Variants in DEPDC1B observed in about 807,000 individuals in gnomAD.
DEPDC1B encodes the protein DEP domain-containing protein 1B.
DEPDC1B carries 51 observed loss-of-function variants against 66.5 expected under a neutral mutation model. The ratio of observed to expected loss-of-function variants is 0.77; its 90% confidence interval spans 0.61 to 0.97. The LOEUF (loss-of-function observed/expected upper bound fraction) is 0.97. Among genes scored for constraint, DEPDC1B ranks in the 50% least tolerant of loss-of-function variants. DEPDC1B has a pLI of 0.00. For synonymous variants in DEPDC1B, 226 were observed against 223.6 expected (o/e 1.01, Z -0.10); for missense variants, 552 against 637.1 (o/e 0.87, Z 1.44).
intron 2 of DEPDC1B, among the ~76,000 whole-genome samples, chr5:60,648,515 C>T (rs746691449): frequency 6.6e-6 from 1 of 152,196 alleles, no homozygotes; most frequent in Non-Finnish European, 1.5e-5. Context: ...GTTAATCTGT[C>T]TTTTCTTGCA....
intron 7 of DEPDC1B, among the ~76,000 whole-genome samples, chr5:60,614,687 T>C (rs1752500098): frequency 6.6e-6 from 1 of 152,162 alleles, no homozygotes; most frequent in Non-Finnish European, 1.5e-5. Flanking sequence ...AAATGTTAGG[T>C]TTTTTAAAGT....
At chr5:60,681,474 C>T (rs368768873) in intron 2 of DEPDC1B, among the ~76,000 whole-genome samples, 7 of 152,240 alleles carry the variant, frequency 4.6e-5, no homozygotes, top group East Asian at 1.9e-4. Context: ...TCTAACCAGC[C>T]AACACTATAG....
chr5:60,643,538 G>A (rs1388626770), intron 5 of DEPDC1B, among the ~76,000 whole-genome samples: 1 of 152,214 alleles, frequency 6.6e-6, no homozygotes, highest in Non-Finnish European at 1.5e-5. Context: ...CTGTAAAACT[G>A]CGAAGACACT....
At chr5:60,644,659 T>A in intron 5 of DEPDC1B, 86 bp downstream of exon 5, 1 of 1,156,494 alleles carries the variant, frequency 8.6e-7, no homozygotes, top group Non-Finnish European at 1.2e-6. Flanking sequence ...TATTCAGGGT[T>A]TAGGGAAGGG....
intron 7 of DEPDC1B, among the ~76,000 whole-genome samples, chr5:60,608,926 T>G (rs1267407367): frequency 6.6e-6 from 1 of 151,998 alleles, no homozygotes; most frequent in South Asian, 2.1e-4. Context: ...CTGGACAACA[T>G]AGCAAAATCC....
chr5:60,699,843 C>G (rs2112063525), intron 1 of DEPDC1B, among the ~76,000 whole-genome samples: 1 of 152,352 alleles, frequency 6.6e-6, no homozygotes. Flanking sequence ...TGCACTAACC[C>G]CCGGCCGGCT....
intron 2 of DEPDC1B, among the ~76,000 whole-genome samples, chr5:60,671,929 T>C (rs1356819414): frequency 6.6e-6 from 1 of 152,244 alleles, no homozygotes; most frequent in African/African-American, 2.4e-5. Context: ...CTAACAACTA[T>C]GCCCTGTGAG....
In DEPDC1B at chr5:60,644,726, A is replaced by G. The variant is rs542247916; in HGVS notation, c.709+19T>C. The G allele has an allele frequency of 2.3e-5, 37 of 1,574,650 alleles. No homozygotes were observed. The South Asian group carries it at 4.1e-4, about 18-fold the overall frequency. The stretch of plus-strand genomic sequence containing the variant: ...ATATATTATGTCAATAAGTAACAAA[A>G]TTATATTTATGCACTTACTTGACTT... On this transcript the variant is annotated intron_variant, in intron 5 of 10. Transcript: ENST00000265036.
chr5:60,694,260 G>A (rs567879898), intron 1 of DEPDC1B, among the ~76,000 whole-genome samples: 7 of 152,126 alleles, frequency 4.6e-5, no homozygotes, highest in African/African-American at 1.2e-4. Context: ...CCTAAAACAC[G>A]CTTTTGCACC....
intron 2 of DEPDC1B, among the ~76,000 whole-genome samples, chr5:60,674,182 T>C (rs528303077): frequency 2.7e-5 from 4 of 149,770 alleles, no homozygotes; most frequent in African/African-American, 4.9e-5. Context: ...CAAATAAATA[T>C]AAAGGAAAAG....
intron 3 of DEPDC1B, among the ~76,000 whole-genome samples, chr5:60,647,080 C>T (rs765027871): frequency 1.5e-4 from 23 of 151,772 alleles, no homozygotes; most frequent in African/African-American, 2.7e-4. Flanking sequence ...TGAATCATCC[C>T]GAAACCACCC....
At chr5:60,635,035 G>C (rs1753011778) in intron 7 of DEPDC1B, among the ~76,000 whole-genome samples, 1 of 149,428 alleles carries the variant, frequency 6.7e-6, no homozygotes, top group South Asian at 2.1e-4. Context: ...CTCCAGCCTG[G>C]GCAACAAGAG....
At chr5:60,608,034 G>C (rs956264374) in intron 7 of DEPDC1B, among the ~76,000 whole-genome samples, 1 of 152,152 alleles carries the variant, frequency 6.6e-6, no homozygotes, top group African/African-American at 2.4e-5. Flanking sequence ...GAACAGAGGA[G>C]TCACTTGATC....
At chr5:60,635,687 T>A (rs1753028958) in intron 7 of DEPDC1B, among the ~76,000 whole-genome samples, 1 of 152,202 alleles carries the variant, frequency 6.6e-6, no homozygotes, top group South Asian at 2.1e-4. Context: ...CCTTGAACAC[T>A]TGCTGCTTCT....
chr5:60,632,748 C>T (rs1289725664), intron 7 of DEPDC1B, among the ~76,000 whole-genome samples: 1 of 152,192 alleles, frequency 6.6e-6, no homozygotes, highest in African/African-American at 2.4e-5. Context: ...CCTGGTACCA[C>T]TTTATATAAG....
intron 7 of DEPDC1B, among the ~76,000 whole-genome samples, chr5:60,630,318 A>C (rs1752894035): frequency 6.6e-6 from 1 of 152,190 alleles, no homozygotes; most frequent in Admixed American, 6.5e-5. Flanking sequence ...TGCCCAGAGT[A>C]GGAGCTATCA....
At chr5:60,630,626 A>T (rs1409056543) in intron 7 of DEPDC1B, 1 of 152,498 alleles carries the variant, frequency 6.6e-6, no homozygotes, top group Non-Finnish European at 1.5e-5. Context: ...CATGAAAGAA[A>T]TTCTGCAAGC....
intron 2 of DEPDC1B, among the ~76,000 whole-genome samples, chr5:60,670,316 G>A (rs1190499162): frequency 1.3e-5 from 2 of 152,212 alleles, no homozygotes; most frequent in Non-Finnish European, 2.9e-5. Flanking sequence ...CCAGGAGGCA[G>A]TGAGCTGAGA....
intron 3 of DEPDC1B, 131 bp downstream of exon 3, chr5:60,647,267 G>T: frequency 1.8e-6 from 2 of 1,108,486 alleles, no homozygotes; most frequent in Non-Finnish European, 2.4e-6. Context: ...CCCAGCTGTT[G>T]GCAGGTACAA....
Sources: gnomAD v4.1 joint callset for allele counts (sites outside exome capture counted in the v4.1 genomes callset) on GRCh38, gnomAD v4.1.1 for gene constraint, MANE v1.5 for transcripts, NCBI Gene and HGNC (gene_info 2026-07-23, HGNC 2026-07-21) for gene names.